Variants in FIRRM observed in about 807,000 individuals in gnomAD.
FIRRM encodes FIGNL1-interacting regulator of recombination and mitosis.
At chr1:169,805,974 T>C in the FIRRM span, 2 of 1,352,434 alleles carry the variant, frequency 1.5e-6, no homozygotes, top group Non-Finnish European at 2.1e-6. Context: ...CATTTGGATG[T>C]CTTAAAAGTT....
At chr1:169,797,195 TC>T in the FIRRM span, among the ~76,000 whole-genome samples, 2 of 152,052 alleles carry the variant, frequency 1.3e-5, no homozygotes, top group Non-Finnish European at 2.9e-5. Context: ...TACTTGGGAG[TC>T]TAATTAGACA....
chr1:169,793,917 A>G, the FIRRM span: 1 of 399,454 alleles, frequency 2.5e-6, no homozygotes, highest in South Asian at 9.8e-5. Context: ...AAAAAAAAAA[A>G]AAAAGAAAGA....
chr1:169,852,838 A>C, the FIRRM span: 2 of 1,614,150 alleles, frequency 1.2e-6, no homozygotes, highest in Middle Eastern at 1.6e-4. Flanking sequence ...AGAAGAGTAC[A>C]GGTCAGCGCT....
At chr1:169,850,523 C>T in the FIRRM span, 11 of 520,932 alleles carry the variant, frequency 2.1e-5, no homozygotes, top group Admixed American at 1.3e-4. Flanking sequence ...TGGGGCCAGG[C>T]GCGGCGGCTC....
chr1:169,829,312 G>A, the FIRRM span: 1 of 1,611,336 alleles, frequency 6.2e-7, no homozygotes, highest in South Asian at 1.1e-5. Flanking sequence ...GTGTTCTGGT[G>A]AACTCTCTCT....
At chr1:169,812,961 G>A in the FIRRM span, among the ~76,000 whole-genome samples, 1 of 152,116 alleles carries the variant, frequency 6.6e-6, no homozygotes, top group Non-Finnish European at 1.5e-5. Flanking sequence ...CAAAATGAGG[G>A]ATCATATTCC....
the FIRRM span, chr1:169,792,689 A>G: frequency 1.9e-6 from 3 of 1,613,066 alleles, no homozygotes; most frequent in Non-Finnish European, 2.5e-6. Flanking sequence ...CTTCTGAAAG[A>G]GATGAACACC....
the FIRRM span, among the ~76,000 whole-genome samples, chr1:169,815,595 A>G: frequency 1.3e-5 from 2 of 152,264 alleles, no homozygotes; most frequent in South Asian, 4.2e-4. Flanking sequence ...AGTGAGGACA[A>G]CCAGAAGTCA....
the FIRRM span, chr1:169,807,911 G>A: frequency 6.2e-7 from 1 of 1,605,146 alleles, no homozygotes; most frequent in South Asian, 1.1e-5. Context: ...CTGAGCAGAT[G>A]ACACAGTCAG....
chr1:169,849,549 A>T, the FIRRM span: 4 of 1,614,064 alleles, frequency 2.5e-6, no homozygotes, highest in Middle Eastern at 5.0e-4. Context: ...CTGCTAGCTG[A>T]CAGGAGTTGG....
chr1:169,788,931 G>T, the FIRRM span, among the ~76,000 whole-genome samples: 4 of 152,100 alleles, frequency 2.6e-5, no homozygotes, highest in Admixed American at 6.5e-5. Context: ...CCTTTTAAGG[G>T]CTATCTGAAT....
At chr1:169,843,744 C>T in the FIRRM span, 2 of 1,607,216 alleles carry the variant, frequency 1.2e-6, no homozygotes, top group East Asian at 2.2e-5. Context: ...TTCATTCAAA[C>T]TCTAGATCCT....
chr1:169,809,368 G>T, the FIRRM span, among the ~76,000 whole-genome samples: 1 of 152,248 alleles, frequency 6.6e-6, no homozygotes, highest in East Asian at 1.9e-4. Flanking sequence ...TGGCAGGAAG[G>T]TTGTTTTCTT....
At chr1:169,792,440 G>A in the FIRRM span, 4 of 732,310 alleles carry the variant, frequency 5.5e-6, no homozygotes, top group Non-Finnish European at 8.5e-6. Context: ...TGGTAACATA[G>A]CTCACTTACA....
At chr1:169,809,046 A>G in the FIRRM span, among the ~76,000 whole-genome samples, 2 of 152,124 alleles carry the variant, frequency 1.3e-5, no homozygotes, top group African/African-American at 4.8e-5. Flanking sequence ...ATGGGGGTGA[A>G]AGTGTAGGGG....
At chr1:169,836,810 C>A in the FIRRM span, 1 of 657,884 alleles carries the variant, frequency 1.5e-6, no homozygotes. Flanking sequence ...TAGATATTAC[C>A]GTACCATTAT....
chr1:169,793,685 T>G, the FIRRM span: 6 of 1,586,554 alleles, frequency 3.8e-6, no homozygotes, highest in Admixed American at 1.8e-5. Flanking sequence ...GAAATTAAAC[T>G]GAAAGGTCAT....
chr1:169,799,129 T>A, the FIRRM span, among the ~76,000 whole-genome samples: 1 of 152,356 alleles, frequency 6.6e-6, no homozygotes, highest in Admixed American at 6.5e-5. Flanking sequence ...TCATTCAAAT[T>A]CCAGCACTTA....
At chr1:169,841,734 A>C in the FIRRM span, among the ~76,000 whole-genome samples, 1 of 152,210 alleles carries the variant, frequency 6.6e-6, no homozygotes, top group Non-Finnish European at 1.5e-5. Flanking sequence ...ACCTATAAAG[A>C]TTGCTGGGTG....
Sources: allele counts gnomAD v4.1 joint callset (sites outside exome capture counted in the v4.1 genomes callset), GRCh38; gene constraint gnomAD v4.1.1; transcripts MANE v1.5; gene names NCBI Gene and HGNC (gene_info 2026-07-23, HGNC 2026-07-21).